Variants in IL1RAPL1 observed in about 807,000 individuals in gnomAD.
The protein encoded by IL1RAPL1 is interleukin-1 receptor accessory protein-like 1.
In IL1RAPL1, 3 loss-of-function variants were observed where a neutral mutation model predicts 48.4. That is an observed-to-expected ratio of 0.06 (90% CI 0.03 to 0.16). The LOEUF is 0.16. Ranked by LOEUF, IL1RAPL1 falls within the 10% of genes least tolerant of loss-of-function variation. IL1RAPL1 has a pLI of 1.00. For synonymous variants in IL1RAPL1, 185 were observed against 187.7 expected, an observed-to-expected ratio of 0.99 and a Z score of 0.12; for missense variants, 349 against 530.6, an observed-to-expected ratio of 0.66 and a Z score of 3.36.
At chrX:28,759,198 A>C (rs1468514379) in intron 1 of IL1RAPL1, among the ~76,000 whole-genome samples, 1 of 109,247 alleles carries the variant, frequency 9.2e-6, no homozygotes, top group Non-Finnish European at 1.9e-5. Context: ...AGATCACGCC[A>C]TTGCACTCCA....
intron 2 of IL1RAPL1, among the ~76,000 whole-genome samples, chrX:28,956,310 T>C (rs890801355): frequency 4.6e-5 from 5 of 107,563 alleles, no homozygotes; most frequent in Non-Finnish European, 7.7e-5. Context: ...TGAATAGGAG[T>C]GGTGAGAGAG....
At chrX:29,659,952 C>T (rs1307240832) in intron 5 of IL1RAPL1, among the ~76,000 whole-genome samples, 2 of 111,715 alleles carry the variant, frequency 1.8e-5, no homozygotes, top group Non-Finnish European at 3.8e-5. Flanking sequence ...GTTCTGCAGG[C>T]TGTGCAGGAA....
chrX:29,191,264 G>C (rs770750651), intron 2 of IL1RAPL1, among the ~76,000 whole-genome samples: 1 of 111,706 alleles, frequency 9.0e-6, no homozygotes, highest in South Asian at 3.8e-4. Flanking sequence ...TAAGCACTAC[G>C]TATATAATGT....
At chrX:29,292,642 G>A (rs987838350) in intron 3 of IL1RAPL1, among the ~76,000 whole-genome samples, 6 of 111,022 alleles carry the variant, frequency 5.4e-5, no homozygotes, top group Admixed American at 9.6e-5. Flanking sequence ...ATCAAAGTCC[G>A]TATAAATGTT....
chrX:29,825,383 A>T (rs1255842811), intron 6 of IL1RAPL1, among the ~76,000 whole-genome samples: 1 of 111,053 alleles, frequency 9.0e-6, no homozygotes, highest in East Asian at 2.8e-4. Context: ...TCCTACTCCA[A>T]ACTGGAAGCT....
chrX:29,327,682 T>G (rs747068934), intron 3 of IL1RAPL1, among the ~76,000 whole-genome samples: 1 of 106,957 alleles, frequency 9.3e-6, no homozygotes, highest in African/African-American at 3.4e-5. Flanking sequence ...ATAAACTTTT[T>G]AAACTTCAGG....
intron 2 of IL1RAPL1, among the ~76,000 whole-genome samples, chrX:28,848,135 A>G (rs1921558922): frequency 9.0e-6 from 1 of 110,607 alleles, no homozygotes; most frequent in African/African-American, 3.3e-5. Context: ...GGACACAGGG[A>G]GGGGAACATC....
intron 5 of IL1RAPL1, among the ~76,000 whole-genome samples, chrX:29,425,200 A>G (rs1012324703): frequency 1.8e-5 from 2 of 112,246 alleles, no homozygotes; most frequent in African/African-American, 6.5e-5. Context: ...TTCCAAAATA[A>G]TGGACTCCAA....
intron 2 of IL1RAPL1, among the ~76,000 whole-genome samples, chrX:28,918,159 A>G (rs1230441225): frequency 2.7e-5 from 3 of 112,267 alleles, no homozygotes; most frequent in African/African-American, 6.5e-5. Context: ...CACTTTTTCC[A>G]TTAGTAACTT....
chrX:28,776,696 G>C (rs1230150587), intron 1 of IL1RAPL1, among the ~76,000 whole-genome samples: 3 of 111,606 alleles, frequency 2.7e-5, no homozygotes, highest in African/African-American at 9.8e-5. Flanking sequence ...TTTTCTAGCT[G>C]CATGACCTTG....
At position 29,505,529 on chromosome X, in the gene IL1RAPL1, T is replaced by G. The variant is rs771779686; in HGVS notation, c.703+106221T>G. ...TTTTGCCAGATAAAGTGTTTTTGAA[T>G]GGCAGTTTTTTTTTTCTTTCAGCTC... is the stretch of plus-strand genomic sequence containing the variant. On this transcript the variant is annotated intron_variant, in intron 5 of 10. Transcript: ENST00000378993. Among the ~76,000 whole-genome samples, 8 of 111,659 alleles carry G rather than the reference T, an allele frequency of 7.2e-5. No individual in the cohort carries two copies. In the South Asian group the frequency reaches 3.0e-3, roughly 42 times the overall value.
Position 29,283,232 on chromosome X carries a change from C to G in IL1RAPL1, c.362+15C>G. On this transcript the variant is annotated intron_variant, in intron 3 of 10. Coordinates refer to ENST00000378993, the MANE Select transcript of IL1RAPL1 (RefSeq NM_014271.4). ...TGTGTCATCAGGTATCCCTTTAATT[C>G]TATTACTGCTGAATCAAAGAAAGCA... 4 of 1,200,894 alleles carry G rather than the reference C, an allele frequency of 3.3e-6. No homozygotes were observed. Among genetic ancestry groups the G allele is most frequent in the Non-Finnish European group, 4.5e-6 (4 of 885,635 alleles).
At position 28,992,335 on chromosome X, in the gene IL1RAPL1, C is replaced by T. The variant is rs779365103; in HGVS notation, c.82+202910C>T. 4.6e-3 allele frequency among the ~76,000 whole-genome samples: 503 copies of T among 108,894 alleles called. 3 individuals carry two copies. The highest frequency in any genetic ancestry group is 0.016 in the African/African-American group (474 of 29,978). 94.6% of individuals were successfully genotyped at this position (108,894 alleles called of 115,157 possible). On this transcript the variant is annotated intron_variant, in intron 2 of 10. Transcript: ENST00000378993. Reference sequence around the variant, plus strand: ...TGAAACCCCATCTCTACTAAAACTACAAAAATTAGCTGGGCATGGTGGCAC... The same window carrying T: ...TGAAACCCCATCTCTACTAAAACTATAAAAATTAGCTGGGCATGGTGGCAC...
intron 5 of IL1RAPL1, among the ~76,000 whole-genome samples, chrX:29,419,426 T>G (rs1022853098): frequency 9.1e-6 from 1 of 109,918 alleles, no homozygotes; most frequent in Middle Eastern, 4.7e-3. Flanking sequence ...GTTCAAGTGA[T>G]TCTCCAGTCT....
intron 1 of IL1RAPL1, among the ~76,000 whole-genome samples, chrX:28,679,592 G>A (rs1207609304): frequency 1.8e-5 from 2 of 110,980 alleles, no homozygotes; most frequent in Non-Finnish European, 3.8e-5. Flanking sequence ...AAGGTTTCAG[G>A]TCTTACATTT....
chrX:29,603,283 A>C (rs1464101013), intron 5 of IL1RAPL1, among the ~76,000 whole-genome samples: 2 of 106,352 alleles, frequency 1.9e-5, no homozygotes, highest in South Asian at 4.2e-4. Flanking sequence ...AAAAAAAAAA[A>C]CTGAACTAAA....
intron 2 of IL1RAPL1, among the ~76,000 whole-genome samples, chrX:28,866,957 T>A (rs1168556766): frequency 8.9e-6 from 1 of 112,004 alleles, no homozygotes; most frequent in African/African-American, 3.2e-5. Flanking sequence ...TAAAGTTAAG[T>A]GCAAGATTAT....
intron 6 of IL1RAPL1, among the ~76,000 whole-genome samples, chrX:29,711,696 C>A (rs1219519071): frequency 9.0e-6 from 1 of 110,695 alleles, no homozygotes; most frequent in Non-Finnish European, 1.9e-5. Context: ...TATTCTCTTT[C>A]CCCCCAGTGT....
chrX:29,439,506 G>GGC (rs1301018735), intron 5 of IL1RAPL1, among the ~76,000 whole-genome samples: 1 of 111,400 alleles, frequency 9.0e-6, no homozygotes, highest in African/African-American at 3.3e-5. Context: ...CGTGGCAAAA[G>GGC]GCATGGATGT....
Sources: allele counts gnomAD v4.1 joint callset (sites outside exome capture counted in the v4.1 genomes callset), GRCh38; gene constraint gnomAD v4.1.1; transcripts MANE v1.5; gene names NCBI Gene and HGNC (gene_info 2026-07-23, HGNC 2026-07-21).